The following SAMD12 variants were observed in gnomAD, a reference collection of about 807,000 sequenced individuals.
SAMD12 encodes sterile alpha motif domain containing 12.
Under a neutral mutation model 15.0 loss-of-function variants are expected in SAMD12, and 9 were observed. The observed-to-expected ratio is 0.60, with a 90% confidence interval of 0.36 to 1.05. SAMD12 has a LOEUF of 1.05. Ranked by LOEUF, SAMD12 falls within the 50% of genes least tolerant of loss-of-function variation. The probability of loss-of-function intolerance (pLI) is 0.01; values close to 1 mark genes in which losing one functional copy is unlikely to be tolerated. For missense variants in SAMD12, 230 were observed against 234.2 expected (o/e 0.98, Z 0.12); for synonymous variants, 86 against 90.1 (o/e 0.96, Z 0.25).
chr8:118,566,252 G>A (rs186577294), intron 2 of SAMD12, among the ~76,000 whole-genome samples: 2 of 152,160 alleles, frequency 1.3e-5, no homozygotes, highest in East Asian at 1.9e-4. Flanking sequence ...CAGATCCTGC[G>A]CCCATCTTCC....
At chr8:118,595,081 A>G (rs990421365) in intron 1 of SAMD12, among the ~76,000 whole-genome samples, 3 of 152,142 alleles carry the variant, frequency 2.0e-5, no homozygotes, top group Admixed American at 6.5e-5. Flanking sequence ...TGCTGGTTCA[A>G]ATCAACACAT....
chr8:118,300,430 C>T (rs1402120234), intron 4 of SAMD12, among the ~76,000 whole-genome samples: 1 of 152,110 alleles, frequency 6.6e-6, no homozygotes, highest in Non-Finnish European at 1.5e-5. Flanking sequence ...CAATACATGG[C>T]CTTCAGAGGT....
the SAMD12 span, among the ~76,000 whole-genome samples, chr8:118,165,618 A>ATATATACATATATACATATATATATG: frequency 1.6e-4 from 10 of 63,638 alleles, no homozygotes; most frequent in African/African-American, 5.6e-4. Context: ...ATATATGTAT[A>ATATATACATATATACATATATATATG]TATATATATA....
chr8:118,588,296 C>G (rs2131273659), intron 1 of SAMD12, among the ~76,000 whole-genome samples: 1 of 152,222 alleles, frequency 6.6e-6, no homozygotes, highest in East Asian at 1.9e-4. Flanking sequence ...CTTGGTTTAG[C>G]TAATAGAAAG....
the SAMD12 span, among the ~76,000 whole-genome samples, chr8:118,169,865 A>C: frequency 0.049 from 7,389 of 152,170 alleles, 602 homozygotes; most frequent in African/African-American, 0.17. Context: ...GCTGTTTTTT[A>C]CCCCACTTGT....
At chr8:118,157,548 T>C in the SAMD12 span, among the ~76,000 whole-genome samples, 2 of 152,194 alleles carry the variant, frequency 1.3e-5, no homozygotes, top group African/African-American at 2.4e-5. Context: ...CTTCTCTAAA[T>C]GTTTGAAATT....
At chr8:118,386,599 G>A (rs1237105405) in intron 3 of SAMD12, among the ~76,000 whole-genome samples, 1 of 152,182 alleles carries the variant, frequency 6.6e-6, no homozygotes, top group Non-Finnish European at 1.5e-5. Context: ...CTACGGCACA[G>A]GGTTCATTGT....
chr8:118,590,304 G>A (rs1026068020), intron 1 of SAMD12, among the ~76,000 whole-genome samples: 1 of 152,200 alleles, frequency 6.6e-6, no homozygotes, highest in African/African-American at 2.4e-5. Flanking sequence ...TCACCAGGCT[G>A]CACTTAGGTA....
At chr8:118,314,410 TTG>T (rs10618138) in intron 4 of SAMD12, among the ~76,000 whole-genome samples, 7,114 of 152,078 alleles carry the variant, frequency 0.047, 526 homozygotes, top group African/African-American at 0.15. Context: ...TTACAAGCAC[TTG>T]TGTGTGTGTT....
At chr8:118,157,489 G>T in the SAMD12 span, among the ~76,000 whole-genome samples, 1 of 152,094 alleles carries the variant, frequency 6.6e-6, no homozygotes, top group African/African-American at 2.4e-5. Flanking sequence ...AATGGCAAAA[G>T]GTTAGCATTG....
chr8:118,535,217 A>T (rs979148474), intron 2 of SAMD12, among the ~76,000 whole-genome samples: 2 of 152,234 alleles, frequency 1.3e-5, no homozygotes, highest in African/African-American at 4.8e-5. Context: ...GGTCCACTCC[A>T]GACCCTGTTT....
At chr8:118,210,632 T>C (rs778061324) in intron 4 of SAMD12, among the ~76,000 whole-genome samples, 1 of 152,232 alleles carries the variant, frequency 6.6e-6, no homozygotes, top group Non-Finnish European at 1.5e-5. Flanking sequence ...TTCCAGGCCA[T>C]TCATGATGGC....
intron 1 of SAMD12, among the ~76,000 whole-genome samples, chr8:118,618,471 G>A (rs1181135914): frequency 2.0e-5 from 3 of 152,186 alleles, no homozygotes; most frequent in Non-Finnish European, 2.9e-5. Flanking sequence ...CCTAAGAGAA[G>A]GGATGAGAGT....
intron 2 of SAMD12, among the ~76,000 whole-genome samples, chr8:118,571,763 T>C (rs1586827776): frequency 6.6e-6 from 1 of 152,020 alleles, no homozygotes; most frequent in Non-Finnish European, 1.5e-5. Context: ...TTCCAGAAGA[T>C]GTATGGAAAT....
At position 118,556,392 on chromosome 8, in the gene SAMD12, G is replaced by A. The variant is rs777141888; in HGVS notation, c.192+24323C>T. On this transcript the variant is annotated intron_variant, in intron 2 of 3. Coordinates refer to ENST00000314727, the MANE Select transcript of SAMD12 (RefSeq NM_207506.3). The stretch of plus-strand genomic sequence containing the variant: ...AAGGGTGGCATTCTTCATGACTCAT[G>A]AGACAGAACTGGTCAGGACCCTTTT... Among the ~76,000 whole-genome samples the A allele has an allele frequency of 1.1e-4, 16 of 152,124 alleles. 1 individual carries two copies. The highest frequency in any genetic ancestry group is 2.2e-4 in the Non-Finnish European group (15 of 68,020).
At chr8:118,445,839 A>G (rs1200264775) in intron 2 of SAMD12, among the ~76,000 whole-genome samples, 1 of 152,194 alleles carries the variant, frequency 6.6e-6, no homozygotes, top group Non-Finnish European at 1.5e-5. Context: ...TTTTCTGAAC[A>G]TATAGTGAGG....
chr8:118,359,398 G>A (rs1324575691), intron 4 of SAMD12, among the ~76,000 whole-genome samples: 2 of 152,110 alleles, frequency 1.3e-5, no homozygotes, highest in African/African-American at 4.8e-5. Flanking sequence ...CCCAGTCTGC[G>A]GTAGTTTGCT....
At chr8:118,468,975 A>C (rs1038116225) in intron 2 of SAMD12, among the ~76,000 whole-genome samples, 1 of 151,846 alleles carries the variant, frequency 6.6e-6, no homozygotes, top group Non-Finnish European at 1.5e-5. Flanking sequence ...GCTGGATTTT[A>C]CTCCTTTCCC....
At chr8:118,226,386 A>C (rs1812189420) in intron 4 of SAMD12, among the ~76,000 whole-genome samples, 1 of 152,226 alleles carries the variant, frequency 6.6e-6, no homozygotes, top group African/African-American at 2.4e-5. Flanking sequence ...AACATGGATA[A>C]GTAATTATGG....
Sources: gnomAD v4.1 joint callset for allele counts (sites outside exome capture counted in the v4.1 genomes callset) on GRCh38, gnomAD v4.1.1 for gene constraint, MANE v1.5 for transcripts, NCBI Gene and HGNC (gene_info 2026-07-23, HGNC 2026-07-21) for gene names.